Variants in TSPAN18 observed in about 807,000 individuals in gnomAD.
The protein encoded by TSPAN18 is tetraspanin 18.
Under a neutral mutation model 27.3 loss-of-function variants are expected in TSPAN18, and 14 were observed. The observed-to-expected ratio is 0.51, with a 90% CI of 0.34 to 0.80. TSPAN18 has a LOEUF of 0.80. Among genes scored for constraint, TSPAN18 ranks in the 30% least tolerant of loss-of-function variants. TSPAN18 has a pLI of 0.01. For synonymous variants in TSPAN18, 143 were observed against 136.5 expected (o/e 1.05, Z -0.33); for missense variants, 268 against 323.9 (o/e 0.83, Z 1.32).
At chr11:44,846,966 G>A (rs767640454) in intron 2 of TSPAN18, among the ~76,000 whole-genome samples, 18 of 152,158 alleles carry the variant, frequency 1.2e-4, no homozygotes, top group Non-Finnish European at 2.4e-4. Flanking sequence ...TTTAACTCTC[G>A]GAAGGGCCCT....
At chr11:44,779,535 A>T (rs539898930) in intron 2 of TSPAN18, among the ~76,000 whole-genome samples, 1 of 152,142 alleles carries the variant, frequency 6.6e-6, no homozygotes, top group East Asian at 1.9e-4. Context: ...CATCAATCTC[A>T]TGGAGAAAAT....
Position 44,901,067 on chromosome 11 carries a change from A to G in TSPAN18, c.-10-5340A>G, listed in dbSNP as rs76836613. On this transcript the variant is annotated intron_variant, in intron 3 of 9. Coordinates refer to ENST00000520358, the MANE Select transcript of TSPAN18 (RefSeq NM_130783.5). ...TGTATGCAGTTTAGTAACTTGCCCC[A>G]CCAGCTAAGCTTGGCAGAGCTGGGA... Among the ~76,000 whole-genome samples the G allele has an allele frequency of 4.2e-3, 634 of 152,226 alleles. 3 individuals carry two copies. The highest frequency in any genetic ancestry group is 0.014 in the East Asian group (71 of 5,158).
At chr11:44,916,068 A>G (rs1351944243) in intron 5 of TSPAN18, among the ~76,000 whole-genome samples, 4 of 152,214 alleles carry the variant, frequency 2.6e-5, no homozygotes, top group Non-Finnish European at 5.9e-5. Flanking sequence ...TTGCTGAAGC[A>G]AGGGGCTCTC....
intron 1 of TSPAN18, among the ~76,000 whole-genome samples, chr11:44,743,612 A>G (rs896815007): frequency 6.6e-6 from 1 of 152,158 alleles, no homozygotes; most frequent in African/African-American, 2.4e-5. Context: ...GTGTGCTCCG[A>G]GCTAGGAAAT....
chr11:44,728,446 GGTCGAATCCCT>G (rs1200791032), intron 1 of TSPAN18, among the ~76,000 whole-genome samples: 1 of 152,084 alleles, frequency 6.6e-6, no homozygotes, highest in African/African-American at 2.4e-5. Context: ...TCCTGGATCT[GGTCGAATCCCT>G]GTCTGGTGAA....
chr11:44,755,100 A>T (rs1855302290), intron 1 of TSPAN18, among the ~76,000 whole-genome samples: 1 of 152,118 alleles, frequency 6.6e-6, no homozygotes, highest in South Asian at 2.1e-4. Flanking sequence ...GTCTCAGGCA[A>T]TCATTTATGG....
chr11:44,823,996 C>T (rs1856982929), intron 2 of TSPAN18, among the ~76,000 whole-genome samples: 1 of 152,316 alleles, frequency 6.6e-6, no homozygotes, highest in African/African-American at 2.4e-5. Flanking sequence ...GAGTCCCGTG[C>T]TGTAGCCAGT....
intron 2 of TSPAN18, among the ~76,000 whole-genome samples, chr11:44,809,984 T>C (rs2135094252): frequency 6.6e-6 from 1 of 152,276 alleles, no homozygotes; most frequent in Non-Finnish European, 1.5e-5. Flanking sequence ...ATGATTACCA[T>C]AGGTCATAGG....
intron 2 of TSPAN18, among the ~76,000 whole-genome samples, chr11:44,833,242 C>T (rs1857191396): frequency 6.6e-6 from 1 of 152,082 alleles, no homozygotes; most frequent in Admixed American, 6.5e-5. Flanking sequence ...GGCTTAGTAA[C>T]CTTGGGCAAG....
chr11:44,858,404 C>T (rs1164272854), intron 2 of TSPAN18, among the ~76,000 whole-genome samples: 1 of 152,228 alleles, frequency 6.6e-6, no homozygotes, highest in Non-Finnish European at 1.5e-5. Context: ...ATTACAAGCA[C>T]AGGCTTCAAA....
chr11:44,787,422 TG>T (rs1856084364), intron 2 of TSPAN18, among the ~76,000 whole-genome samples: 1 of 152,178 alleles, frequency 6.6e-6, no homozygotes, highest in Non-Finnish European at 1.5e-5. Context: ...TCCACAGTCA[TG>T]GGTGGTGCAG....
At chr11:44,865,003 G>A (rs1466199) in intron 3 of TSPAN18, among the ~76,000 whole-genome samples, 61,585 of 152,128 alleles carry the variant, frequency 0.4, 13,128 homozygotes, top group East Asian at 0.51. Context: ...TGGATTTACT[G>A]GAATCGGTGT....
intron 2 of TSPAN18, among the ~76,000 whole-genome samples, chr11:44,792,914 G>T (rs920277630): frequency 6.6e-6 from 1 of 152,186 alleles, no homozygotes; most frequent in African/African-American, 2.4e-5. Flanking sequence ...AGGAGCTGAG[G>T]CTGGGGAGTG....
intron 2 of TSPAN18, among the ~76,000 whole-genome samples, chr11:44,788,212 C>T (rs545302081): frequency 3.1e-4 from 47 of 152,258 alleles, no homozygotes; most frequent in Middle Eastern, 3.4e-3. Context: ...CCCAGATGGG[C>T]GGGATTGGTC....
At chr11:44,891,146 G>A (rs1404264918) in intron 3 of TSPAN18, among the ~76,000 whole-genome samples, 1 of 152,326 alleles carries the variant, frequency 6.6e-6, no homozygotes, top group Middle Eastern at 3.4e-3. Context: ...ATTCCAACCT[G>A]GGCAACAGGG....
Position 44,801,644 on chromosome 11 carries a change from C to A in TSPAN18, c.-153+37132C>A, listed in dbSNP as rs1218656697. ...AGCTCCAAAGACAGAAGGAAACTGC[C>A]TCATTTGAATCCCAGCTCCGTTTTC... On this transcript the variant is annotated intron_variant, in intron 2 of 9. Coordinates refer to ENST00000520358, the MANE Select transcript of TSPAN18 (RefSeq NM_130783.5). Among the ~76,000 whole-genome samples, 3 of 152,204 alleles carry A rather than the reference C, an allele frequency of 2.0e-5. No individual in the cohort carries two copies. In the East Asian group the frequency reaches 5.8e-4, roughly 29 times the overall value.
intron 2 of TSPAN18, among the ~76,000 whole-genome samples, chr11:44,849,076 G>C (rs1857543765): frequency 6.6e-6 from 1 of 152,186 alleles, no homozygotes; most frequent in African/African-American, 2.4e-5. Context: ...AGATCAGGAG[G>C]GAAAGTGCAT....
chr11:44,740,294 G>A (rs950503374), intron 1 of TSPAN18, among the ~76,000 whole-genome samples: 18 of 152,178 alleles, frequency 1.2e-4, no homozygotes, highest in African/African-American at 4.1e-4. Flanking sequence ...CAGGACAGAG[G>A]GCATCTCTAC....
At chr11:44,766,090 T>G (rs1479819098) in intron 2 of TSPAN18, among the ~76,000 whole-genome samples, 4 of 152,238 alleles carry the variant, frequency 2.6e-5, no homozygotes, top group African/African-American at 9.6e-5. Flanking sequence ...ATTTTCTATT[T>G]TGGCTGCCTC....
Sources: allele counts gnomAD v4.1 joint callset (sites outside exome capture counted in the v4.1 genomes callset), GRCh38; gene constraint gnomAD v4.1.1; transcripts MANE v1.5; gene names NCBI Gene and HGNC (gene_info 2026-07-23, HGNC 2026-07-21).